Variants in ERBIN observed in about 807,000 individuals in gnomAD.
The protein encoded by ERBIN is erbb2 interacting protein.
Under a neutral mutation model 158.4 loss-of-function variants are expected in ERBIN, and 60 were observed. That is an observed-to-expected ratio of 0.38 (90% confidence interval 0.31 to 0.47). The LOEUF (loss-of-function observed/expected upper bound fraction) is 0.47, where lower values mean the gene tolerates loss of function less well. Ranked by LOEUF, ERBIN falls within the 20% of genes least tolerant of loss-of-function variation. ERBIN has a pLI of 0.99. For synonymous variants in ERBIN, 594 were observed against 557.2 expected, an observed-to-expected ratio of 1.07 and a Z score of -0.93; for missense variants, 1,610 against 1,648.0, an observed-to-expected ratio of 0.98 and a Z score of 0.40.
At position 66,004,934 on chromosome 5, in the gene ERBIN, A is replaced by AG. The variant is rs745694320; in HGVS notation, c.308-7113dup. Among the ~76,000 whole-genome samples the AG allele has an allele frequency of 9.9e-5, 15 of 152,268 alleles. No homozygotes were observed. The East Asian group carries it at 1.7e-3, about 18-fold the overall frequency. On this transcript the variant is annotated intron_variant, in intron 4 of 25. Coordinates refer to ENST00000284037, the MANE Select transcript of ERBIN (RefSeq NM_001253697.2). ...AGTGCAATAGGAATAGAAGCCAGGGAGGTGGGGATTTACAGGAGCAGCTAA... is the reference window on the plus strand; with the variant it reads ...AGTGCAATAGGAATAGAAGCCAGGGAGGGTGGGGATTTACAGGAGCAGCTAA...
chr5:66,082,073 A>G lies in ERBIN; in HGVS notation c.*3543A>G, dbSNP rs1762410411. ...AGTAAGTAGTCATTTAGTTTTGGAA[A>G]GTTCTTAAGAGAATGCTATCTTCTA... On this transcript the variant is annotated 3_prime_UTR_variant, in exon 26 of 26. Coordinates refer to ENST00000284037, the MANE Select transcript of ERBIN (RefSeq NM_001253697.2). 1 of 152,160 alleles carries G rather than the reference A, an allele frequency of 6.6e-6. No individual in the cohort carries two copies. Among genetic ancestry groups the G allele is most frequent in the African/African-American group, 2.4e-5 (1 of 41,448 alleles). 9.4% of individuals were successfully genotyped at this position (152,160 alleles called of 1,614,324 possible).
chr5:65,987,730 A>G (rs1751416120), intron 1 of ERBIN, among the ~76,000 whole-genome samples: 1 of 151,714 alleles, frequency 6.6e-6, no homozygotes, highest in East Asian at 1.9e-4. Flanking sequence ...CTGTAATCCC[A>G]CCTACTCGGC....
rs1414042827 is a variant in ERBIN at position 66,075,188 on chromosome 5, C to G, written c.3921C>G (p.Pro1307=). The G allele has an allele frequency of 1.9e-6, 3 of 1,614,048 alleles. No individual in the cohort carries two copies. The highest frequency in any genetic ancestry group is 2.5e-6 in the Non-Finnish European group (3 of 1,179,998). The change falls in exon 23 of 26, where the codon CCC becomes CCG. Residue 1307 remains proline, a synonymous_variant. Transcript: ENST00000284037. ...CCCACCAGCCTCCATATACACAGCC[C>G]CATTGTTCTCCTAGACAAGGCCATG... ...KVAHQPPYTQ[P]HCSPRQGHEL...
In ERBIN at chr5:66,072,253, C is replaced by T; in HGVS notation, c.3718C>T (p.Leu1240Phe). 6.4e-7 allele frequency: 1 copy of T among 1,550,444 alleles called. No individual in the cohort carries two copies. Among genetic ancestry groups the T allele is most frequent in the Non-Finnish European group, 8.7e-7 (1 of 1,146,918 alleles). The change falls in exon 22 of 26, where the codon CTT becomes TTT. Residue 1240 changes from leucine to phenylalanine, a missense_variant. Physicochemically the swap from Leu to Phe is conservative, Grantham distance 22 (BLOSUM62 0). This residue lies in a region of ERBIN where 1,014 missense variants were observed against 936.1 expected (regional missense o/e 1.08). Transcript: ENST00000284037. Reference sequence around the variant, plus strand: ...ACAGCAGAACTACTCATCAGCCACACTTAGTCACAAAGATGTTCCTCCAGA... The same window carrying T: ...ACAGCAGAACTACTCATCAGCCACATTTAGTCACAAAGATGTTCCTCCAGA... ...SGQQNYSSATLSHKDVPPDSL... is the reference protein window; with the variant it reads ...SGQQNYSSATFSHKDVPPDSL...
At chr5:65,980,156 C>G (rs1161117415) in intron 1 of ERBIN, among the ~76,000 whole-genome samples, 1 of 152,174 alleles carries the variant, frequency 6.6e-6, no homozygotes, top group Admixed American at 6.5e-5. Context: ...TGGCTCACAC[C>G]TGTAATCCCA....
At position 66,025,550 on chromosome 5, in the gene ERBIN, A is replaced by C; in HGVS notation, c.888A>C (p.Gly296=). Residue 296 remains glycine (G), a splice_region_variant and synonymous_variant, in exon 11 of 26, where the codon GGA becomes GGC. Coordinates refer to ENST00000284037, the MANE Select transcript of ERBIN (RefSeq NM_001253697.2). ...TAATGTATCTGCCAGACTCTATAGG[A>C]GGGTAAGTTTTTTGTGAATGTATAC... ...NQLMYLPDSI[G]GLISVEELDC... The C allele has an allele frequency of 6.2e-7, 1 of 1,610,226 alleles. No homozygotes were observed. Among genetic ancestry groups the C allele is most frequent in the Non-Finnish European group, 8.5e-7 (1 of 1,177,034 alleles).
intron 4 of ERBIN, among the ~76,000 whole-genome samples, chr5:65,999,922 C>A (rs1318168369): frequency 3.3e-5 from 5 of 152,146 alleles, no homozygotes; most frequent in African/African-American, 4.8e-5. Context: ...TTATAGAATT[C>A]TAGAATTATT....
At position 66,080,898 on chromosome 5, in the gene ERBIN, G is replaced by T. The variant is rs555260718; in HGVS notation, c.*2368G>T. 35 of 152,038 alleles carry T rather than the reference G, an allele frequency of 2.3e-4. No individual in the cohort carries two copies. The highest frequency in any genetic ancestry group is 8.2e-4 in the African/African-American group (34 of 41,538). The allele number at this position is 152,038 out of a possible 1,614,324, so 9.4% of individuals were successfully genotyped here. The stretch of plus-strand genomic sequence containing the variant: ...GTTGCGTAAGAAACTTTACCAAGAG[G>T]AGTATTATAGCCAAGTTTTCTTTGA... On this transcript the variant is annotated 3_prime_UTR_variant, in exon 26 of 26. Transcript: ENST00000284037.
intron 1 of ERBIN, among the ~76,000 whole-genome samples, chr5:65,949,641 T>A (rs1314692583): frequency 1.3e-5 from 2 of 152,198 alleles, no homozygotes; most frequent in African/African-American, 4.8e-5. Context: ...TGCTAAATAG[T>A]CCAGAGGATT....
At chr5:66,026,231 A>G (rs1249598364) in intron 12 of ERBIN, 71 bp from the exon 13 acceptor site, 2 of 945,984 alleles carry the variant, frequency 2.1e-6, no homozygotes, top group Admixed American at 2.8e-5. Context: ...ACTTTCAAAA[A>G]TGATGTTTTT....
chr5:66,045,032 T>C (rs1442520891), intron 17 of ERBIN, among the ~76,000 whole-genome samples: 1 of 151,838 alleles, frequency 6.6e-6, no homozygotes, highest in Non-Finnish European at 1.5e-5. Context: ...ATGGGCAACA[T>C]AGCAAGACAA....
chr5:66,001,784 G>A (rs770740973), intron 4 of ERBIN, among the ~76,000 whole-genome samples: 1 of 152,136 alleles, frequency 6.6e-6, no homozygotes, highest in Non-Finnish European at 1.5e-5. Context: ...TTTACTGTAT[G>A]TATGCTTTTT....
intron 1 of ERBIN, among the ~76,000 whole-genome samples, chr5:65,944,205 T>C (rs1745449622): frequency 3.8e-5 from 1 of 26,362 alleles, no homozygotes; most frequent in Non-Finnish European, 7.8e-5. Context: ...GTGTTTAGTA[T>C]TTTTTTTTTT....
chr5:66,076,790 C>A, intron 24 of ERBIN, 85 bp from the exon 25 acceptor site: 1 of 904,166 alleles, frequency 1.1e-6, no homozygotes, highest in Non-Finnish European at 1.8e-6. Flanking sequence ...CAAATATTTG[C>A]ATGGTGTGGA....
chr5:65,974,732 C>T (rs1291846176), intron 1 of ERBIN, among the ~76,000 whole-genome samples: 2 of 152,200 alleles, frequency 1.3e-5, no homozygotes, highest in Admixed American at 6.5e-5. Context: ...GATAAGAGTT[C>T]GGGAATTGAA....
In ERBIN at chr5:65,940,643, G is replaced by A. The variant is rs1449004943; in HGVS notation, c.-58+13837G>A. ...GCCAGCCGCCCCGTCCGGGAGGGAG[G>A]TGGGGGGTCAGCCCCCCGCCCGGCC... On this transcript the variant is annotated intron_variant, in intron 1 of 25. Transcript: ENST00000284037. 5.5e-4 allele frequency among the ~76,000 whole-genome samples: 76 copies of A among 138,290 alleles called. 8 individuals carry two copies. The highest frequency in any genetic ancestry group is 2.2e-3 in the African/African-American group (75 of 34,058). The allele number at this position is 138,290 out of a possible 152,430, so 90.7% of individuals were successfully genotyped here.
chr5:66,007,939 A>G (rs1753800625), intron 4 of ERBIN, among the ~76,000 whole-genome samples: 1 of 152,210 alleles, frequency 6.6e-6, no homozygotes, highest in African/African-American at 2.4e-5. Context: ...AAGTCAGACT[A>G]AACACATTGC....
At chr5:65,942,888 A>G (rs994232019) in intron 1 of ERBIN, among the ~76,000 whole-genome samples, 7 of 146,702 alleles carry the variant, frequency 4.8e-5, no homozygotes, top group Admixed American at 2.7e-4. Context: ...AGCCTGGGTG[A>G]CAGAGCGAGA....
chr5:66,004,023 G>C (rs565302062), intron 4 of ERBIN, among the ~76,000 whole-genome samples: 1 of 139,816 alleles, frequency 7.2e-6, no homozygotes, highest in South Asian at 2.5e-4. Flanking sequence ...ACTGCATCCC[G>C]AACTCTTGGA....
Sources: allele counts gnomAD v4.1 joint callset (sites outside exome capture counted in the v4.1 genomes callset), GRCh38; gene constraint gnomAD v4.1.1; regional missense constraint gnomAD v4.1.1; transcripts MANE v1.5; gene names NCBI Gene and HGNC (gene_info 2026-07-23, HGNC 2026-07-21).